LRRC4C: variants seen among roughly 807,000 people sequenced by gnomAD.
LRRC4C encodes leucine-rich repeat-containing protein 4C.
In LRRC4C, 5 loss-of-function variants were observed where a neutral mutation model predicts 33.6. The ratio of observed to expected loss-of-function variants is 0.15; its 90% CI spans 0.08 to 0.31. The LOEUF is 0.31. Ranked by LOEUF, LRRC4C falls within the 10% of genes least tolerant of loss-of-function variation. The probability of loss-of-function intolerance (pLI) is 1.00; values close to 1 mark genes in which losing one functional copy is unlikely to be tolerated. For synonymous variants in LRRC4C, 329 were observed against 302.0 expected, an observed-to-expected ratio of 1.09 and a Z score of -0.93; for missense variants, 560 against 796.7, an observed-to-expected ratio of 0.70 and a Z score of 3.58.
chr11:40,884,156 C>T (rs1189580027), intron 2 of LRRC4C, among the ~76,000 whole-genome samples: 1 of 151,996 alleles, frequency 6.6e-6, no homozygotes, highest in Non-Finnish European at 1.5e-5. Flanking sequence ...TGAGTGAGAA[C>T]ATACAATTTT....
chr11:41,457,286 C>G (rs1564965458), intron 1 of LRRC4C, among the ~76,000 whole-genome samples: 1 of 152,088 alleles, frequency 6.6e-6, no homozygotes, highest in African/African-American at 2.4e-5. Flanking sequence ...TTTTAAAGGA[C>G]CTCTCTCTAT....
intron 2 of LRRC4C, among the ~76,000 whole-genome samples, chr11:40,923,410 G>A (rs990649336): frequency 6.6e-6 from 1 of 152,150 alleles, no homozygotes. Context: ...GAAGTTAAAT[G>A]TGGCAGTGTA....
At position 40,205,356 on chromosome 11, in the gene LRRC4C, G is replaced by T. The variant is rs544783784; in HGVS notation, c.-96+36163C>A. On this transcript the variant is annotated intron_variant, in intron 5 of 6. Transcript: ENST00000528697. ...TGTTTTCTTAACCCTATAAATAAAA[G>T]CAATCTATGTGAGGTTTGAGCAGCC... Among the ~76,000 whole-genome samples, 4 of 152,210 alleles carry T rather than the reference G, an allele frequency of 2.6e-5. No individual in the cohort carries two copies. In the South Asian group the frequency reaches 8.3e-4, roughly 32 times the overall value.
At position 40,295,814 on chromosome 11, in the gene LRRC4C, G is replaced by T. The variant is rs531076084; in HGVS notation, c.-176+23814C>A. Among the ~76,000 whole-genome samples the T allele has an allele frequency of 2.0e-5, 3 of 152,286 alleles. No homozygotes were observed. The South Asian group carries it at 6.2e-4, about 32-fold the overall frequency. On this transcript the variant is annotated intron_variant, in intron 4 of 6. Coordinates refer to ENST00000528697, the MANE Select transcript of LRRC4C (RefSeq NM_001258419.2). ...TTAATGGCATTGCTTCTATTTTTAAGTGAATGCTGTATTGATTGATTCAAA... is the reference window on the plus strand; with the variant it reads ...TTAATGGCATTGCTTCTATTTTTAATTGAATGCTGTATTGATTGATTCAAA...
At chr11:40,696,782 A>T (rs1280138929) in intron 2 of LRRC4C, among the ~76,000 whole-genome samples, 1 of 143,284 alleles carries the variant, frequency 7.0e-6, no homozygotes, top group Non-Finnish European at 1.5e-5. Flanking sequence ...ATATCTGAGT[A>T]TATATATATA....
At chr11:40,606,635 G>T (rs1458279858) in intron 3 of LRRC4C, among the ~76,000 whole-genome samples, 1 of 151,808 alleles carries the variant, frequency 6.6e-6, no homozygotes. Flanking sequence ...TAATGAGCTG[G>T]CAAAAATTAT....
chr11:40,620,631 C>T (rs1217514549), intron 3 of LRRC4C, among the ~76,000 whole-genome samples: 1 of 151,728 alleles, frequency 6.6e-6, no homozygotes, highest in Non-Finnish European at 1.5e-5. Context: ...AATTTTTTGT[C>T]ACTTACTCTA....
chr11:41,447,909 G>A (rs1377580438), intron 1 of LRRC4C, among the ~76,000 whole-genome samples: 3 of 152,054 alleles, frequency 2.0e-5, no homozygotes, highest in African/African-American at 7.2e-5. Flanking sequence ...AGGTACATTT[G>A]TGGGTGTTTG....
intron 2 of LRRC4C, among the ~76,000 whole-genome samples, chr11:40,849,413 T>C (rs1157978304): frequency 6.6e-6 from 1 of 152,300 alleles, no homozygotes; most frequent in South Asian, 2.1e-4. Flanking sequence ...TTAGTTTGGG[T>C]GGATATGAAA....
At chr11:40,519,773 T>G (rs1327925740) in intron 3 of LRRC4C, among the ~76,000 whole-genome samples, 1 of 152,196 alleles carries the variant, frequency 6.6e-6, no homozygotes, top group Non-Finnish European at 1.5e-5. Context: ...AACAGGAGTT[T>G]GGAAGATGTT....
chr11:40,890,039 T>A (rs906702647), intron 2 of LRRC4C, among the ~76,000 whole-genome samples: 25 of 152,132 alleles, frequency 1.6e-4, no homozygotes, highest in African/African-American at 5.6e-4. Context: ...CACCTTTTAA[T>A]CTGTCAGGTG....
Position 40,156,717 on chromosome 11 carries a change from A to G in LRRC4C, c.-95-15864T>C, listed in dbSNP as rs1031250955. Among the ~76,000 whole-genome samples the G allele has an allele frequency of 2.0e-5, 3 of 152,130 alleles. 1 individual carries two copies. In the South Asian group the frequency reaches 6.2e-4, roughly 32 times the overall value. ...AGAATATACCTAACCAAGGAGTCAA[A>G]AGACCTCTACAAGGAAAACTACAAA... is the stretch of plus-strand genomic sequence containing the variant. On this transcript the variant is annotated intron_variant, in intron 5 of 6. Transcript: ENST00000528697.
At chr11:40,826,921 C>T (rs936532555) in intron 2 of LRRC4C, among the ~76,000 whole-genome samples, 4 of 151,952 alleles carry the variant, frequency 2.6e-5, no homozygotes, top group South Asian at 4.1e-4. Context: ...ATCATATCAA[C>T]AGCAGAAAGA....
At chr11:40,304,798 C>A (rs1391222477) in intron 4 of LRRC4C, among the ~76,000 whole-genome samples, 3 of 151,036 alleles carry the variant, frequency 2.0e-5, no homozygotes, top group Non-Finnish European at 2.9e-5. Flanking sequence ...GTGGCGCAAT[C>A]TCGGCTCACT....
intron 3 of LRRC4C, among the ~76,000 whole-genome samples, chr11:40,545,816 T>C (rs935898196): frequency 6.6e-6 from 1 of 151,898 alleles, no homozygotes; most frequent in African/African-American, 2.4e-5. Context: ...TAATTCAGGG[T>C]TCACCTAGAT....
intron 1 of LRRC4C, among the ~76,000 whole-genome samples, chr11:41,237,729 C>T (rs944095334): frequency 1.1e-4 from 16 of 152,100 alleles, no homozygotes; most frequent in African/African-American, 3.1e-4. Context: ...CCCCAATTCA[C>T]GGTGACTTTT....
chr11:40,238,543 G>C (rs1483623680), intron 5 of LRRC4C, among the ~76,000 whole-genome samples: 1 of 152,114 alleles, frequency 6.6e-6, no homozygotes, highest in East Asian at 1.9e-4. Context: ...GCTAAGCACA[G>C]CATATCAAAG....
chr11:41,333,994 T>A (rs968559285), intron 1 of LRRC4C, among the ~76,000 whole-genome samples: 1 of 152,170 alleles, frequency 6.6e-6, no homozygotes, highest in Non-Finnish European at 1.5e-5. Context: ...AAATTTCACA[T>A]CTGGCTATCT....
chr11:41,013,229 G>A (rs992925758), intron 1 of LRRC4C, among the ~76,000 whole-genome samples: 3 of 152,170 alleles, frequency 2.0e-5, no homozygotes, highest in South Asian at 2.1e-4. Context: ...AACTGAATCC[G>A]TGGACTCACT....
Sources: allele counts gnomAD v4.1 joint callset (sites outside exome capture counted in the v4.1 genomes callset), GRCh38; gene constraint gnomAD v4.1.1; transcripts MANE v1.5; gene names NCBI Gene and HGNC (gene_info 2026-07-23, HGNC 2026-07-21).